Variants in HAO1 observed in about 807,000 individuals in gnomAD.
HAO1 encodes the protein hydroxyacid oxidase 1, also known as 2-Hydroxyacid oxidase 1.
Under a neutral mutation model 39.7 loss-of-function variants are expected in HAO1, and 34 were observed. The observed-to-expected ratio is 0.86, with a 90% confidence interval of 0.65 to 1.14. The LOEUF is 1.14. Among genes scored for constraint, HAO1 ranks in the 50% most tolerant of loss-of-function variants. The pLI, the probability that HAO1 is intolerant of heterozygous loss-of-function variation, is 0.00. For missense variants in HAO1, 479 were observed against 464.5 expected, an observed-to-expected ratio of 1.03 and a Z score of -0.29; for synonymous variants, 172 against 173.2, an observed-to-expected ratio of 0.99 and a Z score of 0.05.
intron 3 of HAO1, among the ~76,000 whole-genome samples, chr20:7,907,278 G>GT (rs761821690): frequency 2.0e-5 from 3 of 152,154 alleles, no homozygotes; most frequent in Non-Finnish European, 2.9e-5. Flanking sequence ...TCTGCCAGTG[G>GT]TTTTTTCTTG....
chr20:7,888,583 C>T (rs1393605308), intron 5 of HAO1, among the ~76,000 whole-genome samples: 1 of 152,194 alleles, frequency 6.6e-6, no homozygotes, highest in African/African-American at 2.4e-5. Flanking sequence ...TCTACCCACC[C>T]TACCCATCAC....
intron 4 of HAO1, among the ~76,000 whole-genome samples, chr20:7,902,024 A>C (rs2050223390): frequency 6.6e-6 from 1 of 152,236 alleles, no homozygotes; most frequent in South Asian, 2.1e-4. Context: ...GATAAAACTT[A>C]AATGAATGAA....
At chr20:7,914,689 C>A (rs961877174) in intron 2 of HAO1, among the ~76,000 whole-genome samples, 1 of 151,986 alleles carries the variant, frequency 6.6e-6, no homozygotes, top group Non-Finnish European at 1.5e-5. Context: ...TATATTGTTC[C>A]TGAAGAACAA....
chr20:7,920,076 C>A (rs1196466816), intron 2 of HAO1, among the ~76,000 whole-genome samples: 1 of 152,084 alleles, frequency 6.6e-6, no homozygotes, highest in Non-Finnish European at 1.5e-5. Context: ...TCCCACGCAT[C>A]AAGGCAGGGA....
intron 2 of HAO1, among the ~76,000 whole-genome samples, chr20:7,932,259 T>G (rs1180484893): frequency 1.3e-5 from 2 of 152,164 alleles, no homozygotes; most frequent in Non-Finnish European, 2.9e-5. Context: ...CCTCTTTCCT[T>G]AATAAATTAC....
chr20:7,888,033 T>C (rs73079911), intron 5 of HAO1, among the ~76,000 whole-genome samples: 2,563 of 152,310 alleles, frequency 0.017, 31 homozygotes, highest in Middle Eastern at 0.027. Flanking sequence ...TTCAGCTTTC[T>C]ATACATCTGT....
intron 1 of HAO1, among the ~76,000 whole-genome samples, chr20:7,934,978 CA>C (rs1297519802): frequency 6.6e-6 from 1 of 151,928 alleles, no homozygotes; most frequent in African/African-American, 2.4e-5. Context: ...CAATCATTCC[CA>C]AAAAAGTCCC....
rs1337865374 is a variant in HAO1, at chr20:7,885,588, C to T, written c.975G>A (p.Gly325=). The T allele has an allele frequency of 3.1e-6, 5 of 1,609,420 alleles. No homozygotes were observed. Among genetic ancestry groups the T allele is most frequent in the Middle Eastern group, 1.7e-4 (1 of 6,038 alleles). ...CGAGGACATCTTGAACACCTTTCTC[C>T]CCCTAACCAAGTGAAAAGATACAGA... ...RPIVWGLAFQ[G]EKGVQDVLEI... The change falls in exon 7 of 8, where the codon GGG becomes GGA. Residue 325 remains glycine, a splice_region_variant and synonymous_variant. Coordinates refer to ENST00000378789, the MANE Select transcript of HAO1 (RefSeq NM_017545.3).
intron 3 of HAO1, among the ~76,000 whole-genome samples, chr20:7,907,233 G>T (rs183310814): frequency 6.6e-6 from 1 of 152,248 alleles, no homozygotes; most frequent in Non-Finnish European, 1.5e-5. Flanking sequence ...GTTTGACAAC[G>T]ACAAGAGCTT....
chr20:7,929,132 G>A (rs958450785), intron 2 of HAO1, among the ~76,000 whole-genome samples: 1 of 152,056 alleles, frequency 6.6e-6, no homozygotes, highest in African/African-American at 2.4e-5. Flanking sequence ...TACATTACAA[G>A]CCTGGCTCCT....
chr20:7,922,783 G>T (rs1250413750), intron 2 of HAO1, among the ~76,000 whole-genome samples: 1 of 152,020 alleles, frequency 6.6e-6, no homozygotes, highest in Non-Finnish European at 1.5e-5. Flanking sequence ...AAATTGTAAA[G>T]TTCCCAGTGT....
chr20:7,918,829 T>G (rs1483495542), intron 2 of HAO1, among the ~76,000 whole-genome samples: 1 of 152,262 alleles, frequency 6.6e-6, no homozygotes, highest in Non-Finnish European at 1.5e-5. Context: ...CAAAAAGTTC[T>G]GACTATCGTT....
intron 3 of HAO1, among the ~76,000 whole-genome samples, chr20:7,906,951 T>C (rs2050251210): frequency 6.6e-6 from 1 of 152,220 alleles, no homozygotes; most frequent in Non-Finnish European, 1.5e-5. Context: ...TCCTGGTTAT[T>C]GCACCTGACC....
At chr20:7,894,058 C>T (rs531733576) in intron 5 of HAO1, among the ~76,000 whole-genome samples, 2 of 152,314 alleles carry the variant, frequency 1.3e-5, no homozygotes, top group African/African-American at 4.8e-5. Context: ...AACATCATTG[C>T]TCCATCTACA....
chr20:7,916,662 AGG>A (rs2050308349), intron 2 of HAO1, among the ~76,000 whole-genome samples: 1 of 152,238 alleles, frequency 6.6e-6, no homozygotes, highest in African/African-American at 2.4e-5. Context: ...TAGATAGTAA[AGG>A]TCTAAGTTCA....
intron 4 of HAO1, among the ~76,000 whole-genome samples, chr20:7,903,798 A>G (rs934792954): frequency 7.9e-6 from 1 of 127,144 alleles, no homozygotes; most frequent in Non-Finnish European, 1.6e-5. Flanking sequence ...TGATGGTGAT[A>G]GCAGTGGTGG....
At chr20:7,888,298 T>C (rs533530953) in intron 5 of HAO1, among the ~76,000 whole-genome samples, 8 of 152,234 alleles carry the variant, frequency 5.3e-5, no homozygotes, top group Non-Finnish European at 1.0e-4. Context: ...TCTTTCTCAT[T>C]TGTGTTCAAG....
At chr20:7,909,782 G>A (rs757879141) in intron 3 of HAO1, among the ~76,000 whole-genome samples, 11 of 152,022 alleles carry the variant, frequency 7.2e-5, no homozygotes, top group African/African-American at 1.9e-4. Context: ...ACATAATTCC[G>A]TCTTGGGAAA....
chr20:7,917,823 CA>C (rs35500410), intron 2 of HAO1, among the ~76,000 whole-genome samples: 1 of 152,120 alleles, frequency 6.6e-6, no homozygotes, highest in South Asian at 2.1e-4. Context: ...CACAGATTAC[CA>C]AAATGCTGCA....
Sources: allele counts gnomAD v4.1 joint callset (sites outside exome capture counted in the v4.1 genomes callset), GRCh38; gene constraint gnomAD v4.1.1; transcripts MANE v1.5; gene names NCBI Gene and HGNC (gene_info 2026-07-23, HGNC 2026-07-21).